AXDND1: variants seen among roughly 807,000 people sequenced by gnomAD.
AXDND1 encodes the protein axonemal dynein light chain domain containing 1.
A neutral mutation model predicts 137.5 loss-of-function variants in AXDND1; 110 were observed. The ratio of observed to expected loss-of-function variants is 0.80; its 90% CI spans 0.69 to 0.94. The LOEUF is 0.94. Ranked by LOEUF, AXDND1 falls within the 40% of genes least tolerant of loss-of-function variation. The pLI is 0.00. For synonymous variants in AXDND1, 414 were observed against 399.7 expected, an observed-to-expected ratio of 1.04 and a Z score of -0.43; for missense variants, 1,191 against 1,169.8, an observed-to-expected ratio of 1.02 and a Z score of -0.26.
intron 16 of AXDND1, chr1:179,456,115 AC>A: frequency 1.9e-6 from 1 of 527,458 alleles, no homozygotes; most frequent in South Asian, 1.5e-5. Context: ...TCTTTGTAGC[AC>A]CTAGGCCCTG....
At position 179,393,894 on chromosome 1, in the gene AXDND1, G is replaced by T. The variant is rs774376932; in HGVS notation, c.864-9G>T. The T allele has an allele frequency of 7.6e-6, 12 of 1,579,334 alleles. No homozygotes were observed. The highest frequency in any genetic ancestry group is 8.6e-6 in the Non-Finnish European group (10 of 1,168,216). On this transcript the variant is annotated splice_polypyrimidine_tract_variant and intron_variant, in intron 9 of 25. Transcript: ENST00000367618. ...AGATCTAGGAGCTTTTTGGTTGTTT[G>T]TCATGCAGAGAGAGGTATGTGCAAA...
chr1:179,376,335 A>G (rs1383803816), intron 4 of AXDND1, among the ~76,000 whole-genome samples: 1 of 152,100 alleles, frequency 6.6e-6, no homozygotes, highest in Non-Finnish European at 1.5e-5. Flanking sequence ...ATGAGTCAGA[A>G]ACTCATGTAT....
At chr1:179,532,779 G>A (rs147465654) in intron 23 of AXDND1, among the ~76,000 whole-genome samples, 2,251 of 152,174 alleles carry the variant, frequency 0.015, 64 homozygotes, top group African/African-American at 0.051. Flanking sequence ...CAGCCACTTG[G>A]GAGGCTGAGG....
Position 179,432,277 on chromosome 1 carries a change from A to G in AXDND1, c.1498A>G (p.Ile500Val). ...TTTTCTTCTTTTCAGTGAAAAAGAC[A>G]TTTTATCCCCTAATAAGGGAAATAT... Reference protein sequence around the residue: ...KWQEFFNEKDILSPNKGNIFN... With the variant: ...KWQEFFNEKDVLSPNKGNIFN... Residue 500 changes from isoleucine (I) to valine (V), a missense_variant, in exon 15 of 26, where the codon ATT (isoleucine) becomes GTT (valine). Transcript: ENST00000367618. 1 of 1,554,230 alleles carries G rather than the reference A, an allele frequency of 6.4e-7. No individual in the cohort carries two copies.
At chr1:179,415,249 C>T (rs572194015) in intron 12 of AXDND1, among the ~76,000 whole-genome samples, 9 of 151,902 alleles carry the variant, frequency 5.9e-5, no homozygotes, top group East Asian at 5.8e-4. Flanking sequence ...GGCTGAGGCA[C>T]GAGAATTGCT....
At chr1:179,386,710 T>C (rs1192942038) in intron 9 of AXDND1, among the ~76,000 whole-genome samples, 1 of 152,112 alleles carries the variant, frequency 6.6e-6, no homozygotes, top group African/African-American at 2.4e-5. Context: ...CTTTTAATCC[T>C]ATCTAATTAT....
intron 20 of AXDND1, among the ~76,000 whole-genome samples, chr1:179,504,010 T>A (rs1668291082): frequency 6.6e-6 from 1 of 152,220 alleles, no homozygotes; most frequent in Non-Finnish European, 1.5e-5. Context: ...ATATAGGTGC[T>A]AAATCCAAAT....
intron 23 of AXDND1, 56 bp downstream of exon 23, chr1:179,528,487 T>A: frequency 8.1e-7 from 1 of 1,228,774 alleles, no homozygotes. Context: ...TGCATAAAAA[T>A]GATATGGTGC....
chr1:179,526,687 T>C (rs531959586), intron 22 of AXDND1, among the ~76,000 whole-genome samples: 2 of 152,378 alleles, frequency 1.3e-5, no homozygotes, highest in South Asian at 4.1e-4. Context: ...AAAAATATTA[T>C]ATAACACCCA....
intron 21 of AXDND1, among the ~76,000 whole-genome samples, chr1:179,514,684 T>C (rs764270109): frequency 6.6e-6 from 1 of 152,172 alleles, no homozygotes; most frequent in Non-Finnish European, 1.5e-5. Context: ...CCCACTGTTA[T>C]GTATTGCTGT....
intron 10 of AXDND1, among the ~76,000 whole-genome samples, chr1:179,394,313 G>T (rs1444495656): frequency 1.3e-5 from 2 of 152,176 alleles, no homozygotes; most frequent in East Asian, 1.9e-4. Context: ...ATGTTGCTGG[G>T]CATGGTGGCT....
At chr1:179,497,740 G>A (rs1449762453) in intron 20 of AXDND1, among the ~76,000 whole-genome samples, 4 of 152,086 alleles carry the variant, frequency 2.6e-5, no homozygotes, top group Non-Finnish European at 5.9e-5. Context: ...GCTGATGATA[G>A]GATTCTATAC....
intron 16 of AXDND1, chr1:179,453,011 T>C (rs1025490475): frequency 6.6e-6 from 1 of 152,290 alleles, no homozygotes; most frequent in Admixed American, 6.5e-5. Context: ...GAGCTCAGGC[T>C]GTGGCTTCAG....
chr1:179,403,153 A>G (rs914523155), intron 11 of AXDND1, among the ~76,000 whole-genome samples: 6 of 152,194 alleles, frequency 3.9e-5, no homozygotes, highest in African/African-American at 7.2e-5. Flanking sequence ...TTATATATAT[A>G]TTATATAATG....
At chr1:179,540,494 C>G (rs745435894) in intron 25 of AXDND1, among the ~76,000 whole-genome samples, 3 of 152,152 alleles carry the variant, frequency 2.0e-5, no homozygotes, top group Non-Finnish European at 4.4e-5. Context: ...CACTCCAGAC[C>G]CTGTTTGCCT....
chr1:179,549,046 A>G (rs1672929282), intron 25 of AXDND1: 1 of 152,164 alleles, frequency 6.6e-6, no homozygotes, highest in South Asian at 2.1e-4. Flanking sequence ...TGGTCATGGC[A>G]GGCTCCAATG....
rs373628170 is a variant in AXDND1, at chr1:179,430,593, C to G, written c.1474C>G (p.Gln492Glu). 1.1e-5 allele frequency: 18 copies of G among 1,609,626 alleles called. No homozygotes were observed. The African/African-American group carries it at 2.4e-4, about 22-fold the overall frequency. Residue 492 changes from glutamine to glutamate, a missense_variant, in exon 14 of 26, where the codon CAG becomes GAG. Physicochemically the swap from Gln to Glu is conservative, Grantham distance 29 (BLOSUM62 2). Coordinates refer to ENST00000367618, the MANE Select transcript of AXDND1 (RefSeq NM_144696.6). Reference sequence around the variant, plus strand: ...TGTTAAGGATGGGCTTATCAAATGGCAGGAGTTCTTCAAGTGAGTCACCAA... The same window carrying G: ...TGTTAAGGATGGGCTTATCAAATGGGAGGAGTTCTTCAAGTGAGTCACCAA... ...KIVKDGLIKW[Q>E]EFFNEKDILS...
Position 179,366,449 on chromosome 1 carries a change from C to A in AXDND1, c.-61C>A. ...GTCCCAGTGCGGCGCTGATTTGTGT[C>A]TAAATTAGCTTTCCGGAGGACTATT... On this transcript the variant is annotated 5_prime_UTR_variant, in exon 2 of 26. Coordinates refer to ENST00000367618, the MANE Select transcript of AXDND1 (RefSeq NM_144696.6). The A allele has an allele frequency of 7.1e-7, 1 of 1,398,614 alleles. No individual in the cohort carries two copies. The highest frequency in any genetic ancestry group is 1.2e-5 in the South Asian group (1 of 86,224). The allele number at this position is 1,398,614 out of a possible 1,614,324, so 86.6% of individuals were successfully genotyped here. A position where few individuals can be genotyped will look rare whatever the true frequency, so the allele number is the denominator to read the frequency against.
chr1:179,397,168 A>T (rs1651194287), intron 11 of AXDND1, among the ~76,000 whole-genome samples: 1 of 152,152 alleles, frequency 6.6e-6, no homozygotes, highest in Non-Finnish European at 1.5e-5. Flanking sequence ...AGCTCTTTTA[A>T]GGCAGATCTG....
Sources: gnomAD v4.1 joint callset for allele counts (sites outside exome capture counted in the v4.1 genomes callset) on GRCh38, gnomAD v4.1.1 for gene constraint, MANE v1.5 for transcripts, NCBI Gene and HGNC (gene_info 2026-07-23, HGNC 2026-07-21) for gene names.